Variants in LRRC7 observed in about 807,000 individuals in gnomAD.
The protein encoded by LRRC7 is leucine rich repeat containing 7.
LRRC7 carries 23 observed loss-of-function variants against 175.7 expected under a neutral mutation model. The observed-to-expected ratio is 0.13, with a 90% confidence interval of 0.09 to 0.19. The LOEUF (loss-of-function observed/expected upper bound fraction) is 0.19, where lower values mean the gene tolerates loss of function less well. Among genes scored for constraint, LRRC7 ranks in the 10% least tolerant of loss-of-function variants. The pLI is 1.00. For synonymous variants in LRRC7, 685 were observed against 680.9 expected (o/e 1.01, Z -0.09); for missense variants, 1,354 against 1,904.7 (o/e 0.71, Z 5.38).
In LRRC7 at chr1:70,028,319, A is replaced by C. The variant is rs1658342686; in HGVS notation, c.1943A>C (p.Lys648Thr). Residue 648 changes from lysine to threonine, a missense_variant, in exon 18 of 27, where the codon AAA becomes ACA. Coordinates refer to ENST00000651989, the MANE Select transcript of LRRC7 (RefSeq NM_001370785.2). Reference protein sequence around the residue: ...NPTANTEQTVKEKYEHKWPVA... With the variant: ...NPTANTEQTVTEKYEHKWPVA... ...ACTGCTAACACGGAGCAAACTGTGA[A>C]AGAAAAATATGAACACAAGTGGCCG... The C allele has an allele frequency of 1.2e-6, 2 of 1,613,654 alleles. No homozygotes were observed. Among genetic ancestry groups the C allele is most frequent in the Non-Finnish European group, 1.7e-6 (2 of 1,179,788 alleles).
intron 1 of LRRC7, among the ~76,000 whole-genome samples, chr1:69,578,629 C>A (rs1035556457): frequency 1.3e-5 from 2 of 151,678 alleles, no homozygotes; most frequent in African/African-American, 4.9e-5. Flanking sequence ...ATAATGAGTT[C>A]ATGTCCTTTG....
intron 1 of LRRC7, among the ~76,000 whole-genome samples, chr1:69,622,601 G>A (rs1569998308): frequency 6.6e-6 from 1 of 152,160 alleles, no homozygotes; most frequent in African/African-American, 2.4e-5. Context: ...CACAAGACCT[G>A]AGGTAATGTT....
At chr1:69,928,405 C>T (rs889721160) in intron 7 of LRRC7, among the ~76,000 whole-genome samples, 1 of 152,236 alleles carries the variant, frequency 6.6e-6, no homozygotes, top group Non-Finnish European at 1.5e-5. Context: ...GCACTGCCCC[C>T]AGCGGTGGAG....
intron 2 of LRRC7, among the ~76,000 whole-genome samples, chr1:69,731,297 C>CA (rs1007518990): frequency 1.3e-5 from 2 of 151,972 alleles, no homozygotes; most frequent in Non-Finnish European, 2.9e-5. Flanking sequence ...CCCCCACCCC[C>CA]AAAAAAACCA....
chr1:69,940,078 C>G (rs888536271), intron 8 of LRRC7, among the ~76,000 whole-genome samples: 7 of 152,128 alleles, frequency 4.6e-5, no homozygotes, highest in Non-Finnish European at 7.4e-5. Context: ...TGCAGTCCCA[C>G]TAACTCTGAA....
rs1661153404 is a variant in LRRC7 at position 70,056,388 on chromosome 1, AG to A, written c.4230+3245del. On this transcript the variant is annotated intron_variant, in intron 23 of 26. Transcript: ENST00000651989. Reference sequence around the variant, plus strand: ...AATTCAAGGGAAACGTTGAACTTCAAGGAAATACTTCACTAAACATAAGAAG... The same window carrying A: ...AATTCAAGGGAAACGTTGAACTTCAAGAAATACTTCACTAAACATAAGAAG... 9.2e-5 allele frequency among the ~76,000 whole-genome samples: 14 copies of A among 152,312 alleles called. No individual in the cohort carries two copies. The South Asian group carries it at 2.7e-3, about 29-fold the overall frequency.
At chr1:69,670,535 C>G (rs1658923026) in intron 1 of LRRC7, among the ~76,000 whole-genome samples, 1 of 152,054 alleles carries the variant, frequency 6.6e-6, no homozygotes. Context: ...CAGTCAAGGC[C>G]CTGAAGTTCT....
chr1:69,588,296 C>T (rs998221127), intron 1 of LRRC7, among the ~76,000 whole-genome samples: 35 of 151,848 alleles, frequency 2.3e-4, no homozygotes, highest in Admixed American at 4.6e-4. Context: ...ATTTTTTTTG[C>T]ATACCTAGCT....
At chr1:70,013,623 C>T (rs573413559) in intron 13 of LRRC7, among the ~76,000 whole-genome samples, 7 of 151,944 alleles carry the variant, frequency 4.6e-5, no homozygotes, top group East Asian at 1.9e-4. Flanking sequence ...CTTCCAATAA[C>T]GGCATTATAT....
intron 14 of LRRC7, 72 bp from the exon 15 acceptor site, chr1:70,018,647 A>G (rs1657169605): frequency 1.0e-6 from 1 of 976,576 alleles, no homozygotes; most frequent in Non-Finnish European, 1.5e-6. Context: ...TATTTATCTG[A>G]GTGAGACCAG....
intron 7 of LRRC7, chr1:69,879,776 A>T (rs778456321): frequency 6.6e-6 from 1 of 152,226 alleles, no homozygotes; most frequent in African/African-American, 2.4e-5. Context: ...GGGTGAACCA[A>T]CTCAGGTCGG....
At position 69,698,944 on chromosome 1, in the gene LRRC7, ATAAAG is replaced by A. The variant is rs371170638; in HGVS notation, c.100+20469_100+20473del. 7.2e-3 allele frequency among the ~76,000 whole-genome samples: 1,097 copies of A among 152,260 alleles called. 18 individuals carry two copies. The highest frequency in any genetic ancestry group is 0.025 in the African/African-American group (1,027 of 41,542). The stretch of plus-strand genomic sequence containing the variant: ...CTCTCTGTCTGTCTGACTTTAAGCT[ATAAAG>A]TATAGTCAAACTTACTCCTATCCCT... On this transcript the variant is annotated intron_variant, in intron 2 of 26. Transcript: ENST00000651989.
At chr1:69,702,580 A>G (rs1240841210) in intron 2 of LRRC7, among the ~76,000 whole-genome samples, 1 of 152,116 alleles carries the variant, frequency 6.6e-6, no homozygotes, top group Non-Finnish European at 1.5e-5. Context: ...TGGGAAGGGG[A>G]AAAAATGGGA....
At chr1:69,737,261 A>G (rs537960339) in intron 2 of LRRC7, among the ~76,000 whole-genome samples, 4 of 152,062 alleles carry the variant, frequency 2.6e-5, no homozygotes, top group South Asian at 2.1e-4. Context: ...AATCATGCCA[A>G]TGGGTTTTTC....
At chr1:70,091,279 TAAA>T (rs369710753) in intron 25 of LRRC7, among the ~76,000 whole-genome samples, 23 of 152,296 alleles carry the variant, frequency 1.5e-4, no homozygotes, top group African/African-American at 5.1e-4. Flanking sequence ...TGATACATCT[TAAA>T]GAAGCATAAA....
intron 2 of LRRC7, among the ~76,000 whole-genome samples, chr1:69,717,786 GAAAGAAAGAAAGAAAGAAAGA>G (rs1665579006): frequency 2.1e-4 from 4 of 19,314 alleles, no homozygotes; most frequent in African/African-American, 1.2e-3. Flanking sequence ...AAGAAAGAAA[GAAAGAAAGAAAGAAAGAAAGA>G]AAGAAAGAAA....
rs1446642547 is a variant in LRRC7, at chr1:69,884,894, C to T, written c.647+46611C>T. Reference sequence around the variant, plus strand: ...ATAATCATGTGGTTTTTGTCTTTGGCTCTGTTTATATGCTGGATTACATTT... The same window carrying T: ...ATAATCATGTGGTTTTTGTCTTTGGTTCTGTTTATATGCTGGATTACATTT... On this transcript the variant is annotated intron_variant, in intron 7 of 26. Transcript: ENST00000651989. 6.9e-5 allele frequency among the ~76,000 whole-genome samples: 10 copies of T among 145,172 alleles called. 1 individual carries two copies. Among genetic ancestry groups the T allele is most frequent in the East Asian group, 6.2e-4 (3 of 4,876 alleles).
At chr1:70,119,678 G>A (rs1488399075) in intron 26 of LRRC7, among the ~76,000 whole-genome samples, 5 of 133,154 alleles carry the variant, frequency 3.8e-5, no homozygotes, top group East Asian at 2.2e-4. Context: ...ACATTGATAC[G>A]ATGTCAAGTA....
chr1:69,649,852 G>GAAA (rs35032125), intron 1 of LRRC7, among the ~76,000 whole-genome samples: 3 of 147,056 alleles, frequency 2.0e-5, no homozygotes, highest in Non-Finnish European at 1.5e-5. Context: ...CAAAGTGATT[G>GAAA]AAAAAAAAAA....
Sources: allele counts gnomAD v4.1 joint callset (sites outside exome capture counted in the v4.1 genomes callset), GRCh38; gene constraint gnomAD v4.1.1; transcripts MANE v1.5; gene names NCBI Gene and HGNC (gene_info 2026-07-23, HGNC 2026-07-21).